The following AQP12A variants were observed in gnomAD, a reference collection of about 807,000 sequenced individuals.
AQP12A encodes putative aquaporin-12A.
AQP12A carries 11 observed loss-of-function variants against 12.2 expected under a neutral mutation model. The ratio of observed to expected loss-of-function variants is 0.90; its 90% CI spans 0.57 to 1.49. The LOEUF (loss-of-function observed/expected upper bound fraction) is 1.49, where lower values mean the gene tolerates loss of function less well. AQP12A is among the 40% of genes most tolerant of loss of function. The probability of loss-of-function intolerance (pLI) is 0.00; values close to 1 mark genes in which losing one functional copy is unlikely to be tolerated. For synonymous variants in AQP12A, 101 were observed against 127.1 expected (o/e 0.79, Z 1.38); for missense variants, 203 against 260.8 (o/e 0.78, Z 1.53).
rs144711572 is a variant in AQP12A, at chr2:240,691,912, C to T, written c.-2C>T. ...GCACAGCTCCTCGGGGGGCCCAGGC[C>T]GATGGCAGGTCTTAACGTGTCCCTC... On this transcript the variant is annotated 5_prime_UTR_variant, in exon 1 of 4. Coordinates refer to ENST00000337801, the MANE Select transcript of AQP12A (RefSeq NM_198998.3). The T allele has an allele frequency of 3.5e-4, 557 of 1,594,314 alleles. 54 individuals are homozygous for T. The highest frequency in any genetic ancestry group is 9.1e-4 in the South Asian group (81 of 89,162).
rs1372735638 is a variant in AQP12A, at chr2:240,693,913, CCT to C, written c.572-509_572-508del. Among the ~76,000 whole-genome samples, 4 of 43,898 alleles carry C rather than the reference CCT, an allele frequency of 9.1e-5. No homozygotes were observed. In the South Asian group the frequency reaches 1.8e-3, roughly 20 times the overall value. The allele number at this position is 43,898 out of a possible 152,430, so 28.8% of individuals were successfully genotyped here. On this transcript the variant is annotated intron_variant, in intron 2 of 3. Transcript: ENST00000337801. ...TGTCTCCCTGTCTCTCTCTGTCTCT[CCT>C]CTCTCTCTCTGTCTCTCCTCTCTCT...
chr2:240,692,148 G>A lies in AQP12A; in HGVS notation c.198G>A (p.Leu66=). 1 of 1,583,828 alleles carries A rather than the reference G, an allele frequency of 6.3e-7. No individual in the cohort carries two copies. The highest frequency in any genetic ancestry group is 1.1e-5 in the South Asian group (1 of 88,720). Residue 66 remains leucine (L), a synonymous_variant, in exon 2 of 4, where the codon CTG becomes CTA. Coordinates refer to ENST00000337801, the MANE Select transcript of AQP12A (RefSeq NM_198998.3). The stretch of plus-strand genomic sequence containing the variant: ...ACCTGCTGCTCACCCTGCTCTTCCT[G>A]CTCTTCCTGGCGCACGGGGTCACCT... ...GPDLLLTLLF[L]LFLAHGVTLD... is the part of the protein sequence containing the mutation.
rs1169137210 is a variant in AQP12A at position 240,692,204 on chromosome 2, C to G, written c.254C>G (p.Ser85Cys). Residue 85 changes from serine to cysteine, a missense_variant, in exon 2 of 4, where the codon TCC becomes TGC. Transcript: ENST00000337801. The part of the protein sequence containing the change: ...LDGASANPTV[S>C]LQEFLMAEQS... ...GGGGCCTCGGCCAACCCCACTGTGT[C>G]CCTGCAGGAGTTCCTCATGGCCGAG... is the stretch of plus-strand genomic sequence containing the variant. The G allele has an allele frequency of 6.3e-7, 1 of 1,580,988 alleles. No individual in the cohort carries two copies. The highest frequency in any genetic ancestry group is 1.1e-5 in the South Asian group (1 of 88,384).
In AQP12A at chr2:240,692,214, G is replaced by A. The variant is rs371207290; in HGVS notation, c.264G>A (p.Glu88=). 2.5e-6 allele frequency: 4 copies of A among 1,580,474 alleles called. No homozygotes were observed. In the African/African-American group the frequency reaches 5.7e-5, roughly 23 times the overall value. Residue 88 remains glutamate (E), a synonymous_variant, in exon 2 of 4, where the codon GAG becomes GAA. Coordinates refer to ENST00000337801, the MANE Select transcript of AQP12A (RefSeq NM_198998.3). ...CCAACCCCACTGTGTCCCTGCAGGA[G>A]TTCCTCATGGCCGAGCAGTCTCTGC... ...ASANPTVSLQ[E]FLMAEQSLPG... is the part of the protein sequence containing the mutation.
chr2:240,693,041 C>T (rs1362437598), intron 2 of AQP12A, among the ~76,000 whole-genome samples: 2 of 152,264 alleles, frequency 1.3e-5, no homozygotes, highest in Non-Finnish European at 1.5e-5. Context: ...GCTCCCTCCA[C>T]TCAGACCCTC....
Position 240,692,214 on chromosome 2 carries a change from G to T in AQP12A, c.264G>T (p.Glu88Asp), listed in dbSNP as rs371207290. The change falls in exon 2 of 4, where the codon GAG (glutamate) becomes GAT (aspartate). Residue 88 changes from glutamate (E) to aspartate (D), a missense_variant. This residue lies in a region of AQP12A where 191 missense variants were observed against 197.1 expected (regional missense o/e 0.97). Coordinates refer to ENST00000337801, the MANE Select transcript of AQP12A (RefSeq NM_198998.3). ...ASANPTVSLQ[E>D]FLMAEQSLPG... ...CCAACCCCACTGTGTCCCTGCAGGA[G>T]TTCCTCATGGCCGAGCAGTCTCTGC... 11 of 1,580,474 alleles carry T rather than the reference G, an allele frequency of 7.0e-6. 1 individual carries two copies. The Admixed American group carries it at 9.5e-5, about 14-fold the overall frequency.
intron 2 of AQP12A, among the ~76,000 whole-genome samples, chr2:240,693,595 C>G (rs2044091551): frequency 1.3e-5 from 2 of 151,582 alleles, no homozygotes; most frequent in Non-Finnish European, 2.9e-5. Flanking sequence ...GGTCCCTGCC[C>G]TCCGCTAGGC....
At position 240,692,066 on chromosome 2, in the gene AQP12A, G is replaced by A; in HGVS notation, c.124-8G>A. On this transcript the variant is annotated splice_region_variant and splice_polypyrimidine_tract_variant and intron_variant, in intron 1 of 3. Transcript: ENST00000337801. ...GTGCGGGTGCAGCTCGGGCCCTGCT[G>A]CCTGGAGATGAGGACGCTGGTCGAG... 2 of 1,568,178 alleles carry A rather than the reference G, an allele frequency of 1.3e-6. No individual in the cohort carries two copies. The highest frequency in any genetic ancestry group is 1.7e-6 in the Non-Finnish European group (2 of 1,165,282).
rs747485924 is a variant in AQP12A, at chr2:240,692,375, C to A, written c.425C>A (p.Ala142Asp). 3.3e-6 allele frequency: 5 copies of A among 1,524,242 alleles called. No individual in the cohort carries two copies. The highest frequency in any genetic ancestry group is 4.4e-6 in the Non-Finnish European group (5 of 1,141,154). 94.4% of individuals were successfully genotyped at this position (1,524,242 alleles called of 1,614,324 possible). ...CTCATGGCCCAGAGCTGCAGCTCGG[C>A]CCTGCGCACATCCGTGCCCCACGGG... is the stretch of plus-strand genomic sequence containing the variant. The part of the protein sequence containing the change: ...QSLMAQSCSS[A>D]LRTSVPHGAL... The change falls in exon 2 of 4, where the codon GCC becomes GAC. Residue 142 changes from alanine to aspartate, a missense_variant. Physicochemically the swap from Ala to Asp is moderately radical, Grantham distance 126 (BLOSUM62 -2). Around this residue, in one of 2 missense-constraint regions of AQP12A, gnomAD observed 191 missense variants for 197.1 expected, o/e 0.97. Transcript: ENST00000337801.
chr2:240,692,947 A>G (rs1359417941), intron 2 of AQP12A, among the ~76,000 whole-genome samples: 1 of 152,188 alleles, frequency 6.6e-6, no homozygotes, highest in African/African-American at 2.4e-5. Flanking sequence ...CTGGCCTCCT[A>G]CTGACACCTG....
chr2:240,693,251 G>A (rs113430214), intron 2 of AQP12A, among the ~76,000 whole-genome samples: 2 of 151,498 alleles, frequency 1.3e-5, no homozygotes, highest in Admixed American at 6.6e-5. Context: ...CCGGGGGTCC[G>A]AGGTCCTAAT....
chr2:240,693,604 G>A (rs1176876847), intron 2 of AQP12A, among the ~76,000 whole-genome samples: 1 of 151,512 alleles, frequency 6.6e-6, no homozygotes, highest in African/African-American at 2.4e-5. Context: ...CCTCCGCTAG[G>A]CCCACTCCCT....
At chr2:240,692,928 TTGGCCTCCC>T (rs2044083973) in intron 2 of AQP12A, among the ~76,000 whole-genome samples, 1 of 152,180 alleles carries the variant, frequency 6.6e-6, no homozygotes, top group Non-Finnish European at 1.5e-5. Flanking sequence ...CCTGCCCCAG[TTGGCCTCCC>T]TGGCCTCCTA....
chr2:240,692,973 G>A (rs1231657127), intron 2 of AQP12A, among the ~76,000 whole-genome samples: 2 of 152,260 alleles, frequency 1.3e-5, no homozygotes, highest in African/African-American at 4.8e-5. Context: ...TGCGATCTCT[G>A]CCTGCACCTG....
At chr2:240,693,716 G>A (rs1394106471) in intron 2 of AQP12A, among the ~76,000 whole-genome samples, 2 of 152,010 alleles carry the variant, frequency 1.3e-5, no homozygotes, top group Non-Finnish European at 2.9e-5. Context: ...GGCTGCCGCC[G>A]CCTTCCCTTG....
chr2:240,692,032 A>G lies in AQP12A; in HGVS notation c.119A>G (p.Glu40Gly). 1 of 1,580,624 alleles carries G rather than the reference A, an allele frequency of 6.3e-7. No homozygotes were observed. Among genetic ancestry groups the G allele is most frequent in the South Asian group, 1.1e-5 (1 of 88,544 alleles). Residue 40 changes from glutamate to glycine, a missense_variant, in exon 1 of 4, where the codon GAG (glutamate) becomes GGG (glycine). By Grantham distance (98) the Glu-to-Gly change is moderately conservative. Transcript: ENST00000337801. ...PVGAYEVFAR[E>G]AMRTLVELGP... ...GGCGCCTATGAAGTCTTCGCCCGGG[A>G]GGCGGTGGGTGCGGGTGCAGCTCGG...
Position 240,692,088 on chromosome 2 carries a change from C to G in AQP12A, c.138C>G (p.Val46=), listed in dbSNP as rs150015666. Residue 46 remains valine, a synonymous_variant, in exon 2 of 4, where the codon GTC becomes GTG. Transcript: ENST00000337801. ...VFAREAMRTL[V]ELGPWAGDFG... is the part of the protein sequence containing the mutation. Reference sequence around the variant, plus strand: ...GCTGCCTGGAGATGAGGACGCTGGTCGAGCTCGGGCCCTGGGCTGGGGACT... The same window carrying G: ...GCTGCCTGGAGATGAGGACGCTGGTGGAGCTCGGGCCCTGGGCTGGGGACT... 518 of 1,582,162 alleles carry G rather than the reference C, an allele frequency of 3.3e-4. 32 individuals carry two copies. The highest frequency in any genetic ancestry group is 8.8e-4 in the Middle Eastern group (5 of 5,664).
At chr2:240,693,887 CTG>C (rs2044095258) in intron 2 of AQP12A, among the ~76,000 whole-genome samples, 3 of 59,720 alleles carry the variant, frequency 5.0e-5, no homozygotes, top group Admixed American at 1.9e-4. Flanking sequence ...TCCTCTCTCT[CTG>C]TCTCCCTGTC....
rs777882637 is a variant in AQP12A, at chr2:240,692,239, C to T, written c.289C>T (p.Pro97Ser). The change falls in exon 2 of 4, where the codon CCT becomes TCT. Residue 97 changes from proline to serine, a missense_variant. Around this residue, in one of 2 missense-constraint regions of AQP12A, gnomAD observed 191 missense variants for 197.1 expected, o/e 0.97. Coordinates refer to ENST00000337801, the MANE Select transcript of AQP12A (RefSeq NM_198998.3). ...GTTCCTCATGGCCGAGCAGTCTCTG[C>T]CTGGCACGCTGTTGAAGCTGGCGGC... ...QEFLMAEQSLPGTLLKLAAQG... is the reference protein window; with the variant it reads ...QEFLMAEQSLSGTLLKLAAQG... 72 of 1,578,810 alleles carry T rather than the reference C, an allele frequency of 4.6e-5. 4 individuals carry two copies. The highest frequency in any genetic ancestry group is 5.9e-5 in the Non-Finnish European group (69 of 1,167,552).
Sources: allele counts gnomAD v4.1 joint callset (sites outside exome capture counted in the v4.1 genomes callset), GRCh38; gene constraint gnomAD v4.1.1; regional missense constraint gnomAD v4.1.1; transcripts MANE v1.5; gene names NCBI Gene and HGNC (gene_info 2026-07-23, HGNC 2026-07-21).